Variants in FBH1 observed in about 807,000 individuals in gnomAD.
FBH1 encodes the protein DNA 3'-5' helicase 1.
Under a neutral mutation model 115.5 loss-of-function variants are expected in FBH1, and 43 were observed. That is an observed-to-expected ratio of 0.37 (90% CI 0.29 to 0.48). The LOEUF is 0.48. Among genes scored for constraint, FBH1 ranks in the 20% least tolerant of loss-of-function variants. The probability of loss-of-function intolerance (pLI) is 0.99; values close to 1 mark genes in which losing one functional copy is unlikely to be tolerated. For synonymous variants in FBH1, 524 were observed against 507.8 expected, an observed-to-expected ratio of 1.03 and a Z score of -0.43; for missense variants, 1,001 against 1,337.3, an observed-to-expected ratio of 0.75 and a Z score of 3.92.
In FBH1 at chr10:5,937,288, G is replaced by A. The variant is rs769767056; in HGVS notation, c.*8G>A. 2 of 1,591,160 alleles carry A rather than the reference G, an allele frequency of 1.3e-6. No homozygotes were observed. Among genetic ancestry groups the A allele is most frequent in the African/African-American group, 1.3e-5 (1 of 74,426 alleles). On this transcript the variant is annotated 3_prime_UTR_variant, in exon 21 of 21. Coordinates refer to ENST00000362091, the MANE Select transcript of FBH1 (RefSeq NM_178150.3). ...CTCTTCCTCGTCTTCTGAGGACAAGGCGCACGTTCTCCGCAGTGCAGAGCA... is the reference window on the plus strand; with the variant it reads ...CTCTTCCTCGTCTTCTGAGGACAAGACGCACGTTCTCCGCAGTGCAGAGCA...
intron 1 of FBH1, among the ~76,000 whole-genome samples, chr10:5,899,386 A>G (rs1355811456): frequency 6.6e-6 from 1 of 152,212 alleles, no homozygotes; most frequent in Non-Finnish European, 1.5e-5. Context: ...CCATTGTGGC[A>G]GTAGATGTTC....
chr10:5,906,364 C>T lies in FBH1; in HGVS notation c.485C>T (p.Ala162Val), dbSNP rs1472379210. The T allele has an allele frequency of 6.2e-7, 1 of 1,614,170 alleles. No homozygotes were observed. The highest frequency in any genetic ancestry group is 8.5e-7 in the Non-Finnish European group (1 of 1,179,980). Residue 162 changes from alanine to valine, a missense_variant, in exon 3 of 21, where the codon GCC becomes GTC. Transcript: ENST00000362091. This position sits in a 1 kb window ranked among gnomAD's most constrained non-coding sequence, Gnocchi z 7.3. Reference protein sequence around the residue: ...LSVPCTRPREARQEAEDSTSR... With the variant: ...LSVPCTRPREVRQEAEDSTSR... ...GTGCCATGCACAAGGCCTAGGGAGG[C>T]CAGGCAAGAAGCAGAGGACAGTACG...
At chr10:5,903,686 GT>G (rs200633848) in intron 2 of FBH1, among the ~76,000 whole-genome samples, 3,004 of 152,244 alleles carry the variant, frequency 0.02, 98 homozygotes, top group African/African-American at 0.068. Context: ...GTGGACAAGT[GT>G]GATGGAATGA....
chr10:5,902,267 T>C (rs891223170), intron 1 of FBH1, among the ~76,000 whole-genome samples: 5 of 152,182 alleles, frequency 3.3e-5, no homozygotes, highest in African/African-American at 1.2e-4. Context: ...TTTATTATCA[T>C]GATGTTTTGC....
At chr10:5,894,409 A>G (rs1218614902) in intron 1 of FBH1, 1 of 1,611,332 alleles carries the variant, frequency 6.2e-7, no homozygotes, top group African/African-American at 1.3e-5. Flanking sequence ...GTCTAGATAC[A>G]GAGTGAAGAA....
Position 5,901,568 on chromosome 10 carries a change from C to CTT in FBH1, c.2-1437_2-1436dup, listed in dbSNP as rs367715134. On this transcript the variant is annotated intron_variant, in intron 1 of 20. Transcript: ENST00000362091. ...AACTTTAATTCTTTTTTTTCTTTTT[C>CTT]TTTTTTTTTTTTTTTTGAGATGGAG... Among the ~76,000 whole-genome samples the CTT allele has an allele frequency of 7.7e-5, 10 of 130,416 alleles. No individual in the cohort carries two copies. In the Middle Eastern group the frequency reaches 0.013, roughly 170 times the overall value. 85.6% of individuals were successfully genotyped at this position (130,416 alleles called of 152,430 possible). A position where few individuals can be genotyped will look rare whatever the true frequency, so the allele number is the denominator to read the frequency against.
Position 5,923,750 on chromosome 10 carries a change from ACGAGAAAGAAGCAGG to A in FBH1, c.2398+56_2398+70del. The A allele has an allele frequency of 7.9e-6, 12 of 1,518,372 alleles. No individual in the cohort carries two copies. The highest frequency in any genetic ancestry group is 1.1e-5 in the Non-Finnish European group (12 of 1,098,094). The allele number at this position is 1,518,372 out of a possible 1,614,324, so 94.1% of individuals were successfully genotyped here. On this transcript the variant is annotated intron_variant, in intron 16 of 20. Transcript: ENST00000362091. This position sits in a 1 kb window ranked among gnomAD's most constrained non-coding sequence, Gnocchi z 5.7. ...GGAAGGACGCACCCAAGTGACAGGGACGAGAAAGAAGCAGGCCCAGTCTGAGTCAGGGACCCGTTT... is the reference window on the plus strand; with the variant it reads ...GGAAGGACGCACCCAAGTGACAGGGACCCAGTCTGAGTCAGGGACCCGTTT...
rs780001571 is a variant in FBH1 at position 5,918,522 on chromosome 10, A to T, written c.2100+44A>T. Reference sequence around the variant, plus strand: ...TGGGAGGCATTGCATCTCTCTCCCAATGTCTTACGTGCCAGGCCCTGTGAA... The same window carrying T: ...TGGGAGGCATTGCATCTCTCTCCCATTGTCTTACGTGCCAGGCCCTGTGAA... On this transcript the variant is annotated intron_variant, in intron 13 of 20. Coordinates refer to ENST00000362091, the MANE Select transcript of FBH1 (RefSeq NM_178150.3). The surrounding 1 kb of genome is among the most constrained non-coding windows in gnomAD (Gnocchi z 4.0). 5 of 1,519,322 alleles carry T rather than the reference A, an allele frequency of 3.3e-6. No homozygotes were observed. The highest frequency in any genetic ancestry group is 4.4e-6 in the Non-Finnish European group (5 of 1,137,864). The allele number at this position is 1,519,322 out of a possible 1,614,324, so 94.1% of individuals were successfully genotyped here. A position where few individuals can be genotyped will look rare whatever the true frequency, so the allele number is the denominator to read the frequency against.
chr10:5,905,053 G>A (rs1231700305), intron 2 of FBH1, among the ~76,000 whole-genome samples: 4 of 152,204 alleles, frequency 2.6e-5, no homozygotes, highest in Non-Finnish European at 5.9e-5. Flanking sequence ...TTCCTGAAAA[G>A]TCTGTGAGGT....
At chr10:5,893,179 A>C (rs1485360885) in intron 1 of FBH1, among the ~76,000 whole-genome samples, 1 of 152,096 alleles carries the variant, frequency 6.6e-6, no homozygotes, top group Non-Finnish European at 1.5e-5. Context: ...GGCGGTGTGC[A>C]CCTGTAGTCC....
chr10:5,902,686 C>G (rs925719905), intron 1 of FBH1, among the ~76,000 whole-genome samples: 1 of 152,130 alleles, frequency 6.6e-6, no homozygotes, highest in African/African-American at 2.4e-5. Flanking sequence ...TCCTCCACCT[C>G]CCAAAGTTCT....
chr10:5,925,311 A>G lies in FBH1; in HGVS notation c.2597-56A>G, dbSNP rs1589107686. Reference sequence around the variant, plus strand: ...AGTGGGAAACATGTATGTTTTTGTCATCTTGTTTCTTTCCCTTTGAAGCAC... The same window carrying G: ...AGTGGGAAACATGTATGTTTTTGTCGTCTTGTTTCTTTCCCTTTGAAGCAC... On this transcript the variant is annotated intron_variant, in intron 17 of 20. Transcript: ENST00000362091. The surrounding 1 kb of genome is among the most constrained non-coding windows in gnomAD (Gnocchi z 4.6). 1.3e-6 allele frequency: 2 copies of G among 1,592,082 alleles called. No homozygotes were observed. The highest frequency in any genetic ancestry group is 4.5e-5 in the East Asian group (2 of 44,068).
At chr10:5,912,855 T>C (rs1317318748) in intron 6 of FBH1, among the ~76,000 whole-genome samples, 1 of 152,266 alleles carries the variant, frequency 6.6e-6, no homozygotes, top group Admixed American at 6.5e-5. Flanking sequence ...CTTCAGTCCA[T>C]GGCAGTATGT....
intron 19 of FBH1, chr10:5,934,412 AGCCCAGGCTG>A (rs1833193330): frequency 7.6e-6 from 1 of 131,806 alleles, no homozygotes; most frequent in East Asian, 2.2e-4. Flanking sequence ...CTCTCTCTGT[AGCCCAGGCTG>A]GAGTGCAGTG....
chr10:5,924,016 A>G lies in FBH1; in HGVS notation c.2399-295A>G. ...ACGTGGGCCCCAAGTGATAGCGTCG[A>G]GCATTTCTATAGCGCTTTTCTTTTC... On this transcript the variant is annotated intron_variant, in intron 16 of 20. Transcript: ENST00000362091. The surrounding 1 kb of genome is among the most constrained non-coding windows in gnomAD (Gnocchi z 6.2). 1 of 562,296 alleles carries G rather than the reference A, an allele frequency of 1.8e-6. No homozygotes were observed. Among genetic ancestry groups the G allele is most frequent in the Non-Finnish European group, 3.2e-6 (1 of 316,214 alleles). The allele number at this position is 562,296 out of a possible 1,614,324, so 34.8% of individuals were successfully genotyped here.
chr10:5,893,852 G>A (rs758746313), intron 1 of FBH1: 33 of 310,172 alleles, frequency 1.1e-4, no homozygotes, highest in Non-Finnish European at 1.6e-4. Context: ...GGACATAGCA[G>A]ATACGTAAAA....
chr10:5,919,026 A>G (rs774282993), intron 13 of FBH1, among the ~76,000 whole-genome samples: 11 of 152,226 alleles, frequency 7.2e-5, no homozygotes, highest in Non-Finnish European at 1.3e-4. Context: ...CCAAGACAGT[A>G]TATCTCAGCA....
chr10:5,937,179 G>A lies in FBH1; in HGVS notation c.3031G>A (p.Ala1011Thr). ...SCAEQRIGPLAFLTASPEQVR... is the reference protein window; with the variant it reads ...SCAEQRIGPLTFLTASPEQVR... Reference sequence around the variant, plus strand: ...TGCGGAGCAGCGCATCGGGCCCCTGGCGTTCCTGACAGCCTCCCCGGAGCA... The same window carrying A: ...TGCGGAGCAGCGCATCGGGCCCCTGACGTTCCTGACAGCCTCCCCGGAGCA... The change falls in exon 21 of 21, where the codon GCG becomes ACG. Residue 1011 changes from alanine (A) to threonine (T), a missense_variant. Ala to Thr is a moderately conservative substitution (Grantham distance 58). Coordinates refer to ENST00000362091, the MANE Select transcript of FBH1 (RefSeq NM_178150.3). 6.2e-7 allele frequency: 1 copy of A among 1,614,076 alleles called. No homozygotes were observed. Among genetic ancestry groups the A allele is most frequent in the South Asian group, 1.1e-5 (1 of 91,032 alleles).
intron 13 of FBH1, among the ~76,000 whole-genome samples, chr10:5,920,002 A>G (rs541118605): frequency 5.3e-5 from 8 of 152,212 alleles, no homozygotes; most frequent in Non-Finnish European, 1.2e-4. Flanking sequence ...TCCATGGTTC[A>G]TTTGCATTTC....
Sources: allele counts gnomAD v4.1 joint callset (sites outside exome capture counted in the v4.1 genomes callset), GRCh38; gene constraint gnomAD v4.1.1; non-coding constraint Gnocchi (gnomAD v3.1); transcripts MANE v1.5; gene names NCBI Gene and HGNC (gene_info 2026-07-23, HGNC 2026-07-21).